Variants in NXN observed in about 807,000 individuals in gnomAD.
NXN encodes the protein nucleoredoxin 1.
Under a neutral mutation model 48.6 loss-of-function variants are expected in NXN, and 16 were observed. The ratio of observed to expected loss-of-function variants is 0.33; its 90% CI spans 0.22 to 0.50. NXN has a LOEUF of 0.50. NXN is among the 20% of genes least tolerant of loss of function. The probability of loss-of-function intolerance (pLI) is 0.98; values close to 1 mark genes in which losing one functional copy is unlikely to be tolerated. For missense variants in NXN, 492 were observed against 605.5 expected, an observed-to-expected ratio of 0.81 and a Z score of 1.97; for synonymous variants, 281 against 269.6, an observed-to-expected ratio of 1.04 and a Z score of -0.41.
chr17:881,275 G>T (rs907361468), intron 1 of NXN, among the ~76,000 whole-genome samples: 2 of 152,188 alleles, frequency 1.3e-5, no homozygotes, highest in African/African-American at 4.8e-5. Flanking sequence ...TTTGAGACAG[G>T]ATCTCACTGT....
intron 1 of NXN, among the ~76,000 whole-genome samples, chr17:931,813 C>T (rs1285937661): frequency 4.5e-5 from 5 of 110,944 alleles, no homozygotes; most frequent in South Asian, 3.1e-4. Context: ...CCAGCCTGGG[C>T]GACAGAGTAA....
intron 1 of NXN, among the ~76,000 whole-genome samples, chr17:876,610 C>T (rs1028655570): frequency 6.6e-6 from 1 of 152,284 alleles, no homozygotes; most frequent in East Asian, 1.9e-4. Flanking sequence ...TCTCACTGGG[C>T]GGGGAGCTCA....
intron 2 of NXN, among the ~76,000 whole-genome samples, chr17:824,568 T>C (rs1912995866): frequency 6.6e-6 from 1 of 152,236 alleles, no homozygotes; most frequent in Non-Finnish European, 1.5e-5. Flanking sequence ...CAGCTCTGAC[T>C]GTACTTGGAA....
At chr17:979,234 A>C (rs1398678650) in intron 1 of NXN, 85 bp downstream of exon 1, 29 of 457,844 alleles carry the variant, frequency 6.3e-5, no homozygotes, top group African/African-American at 1.5e-4. Context: ...GGGTTGGCGG[A>C]GGGCAGGGGT....
At chr17:899,941 G>T (rs753894739) in intron 1 of NXN, among the ~76,000 whole-genome samples, 5 of 152,156 alleles carry the variant, frequency 3.3e-5, no homozygotes, top group Non-Finnish European at 5.9e-5. Context: ...TAAAGTAAAT[G>T]ATATCCTCAA....
At chr17:826,254 A>C (rs1201710831) in intron 1 of NXN, among the ~76,000 whole-genome samples, 176 bp from the exon 2 acceptor site, 2 of 151,932 alleles carry the variant, frequency 1.3e-5, no homozygotes, top group South Asian at 4.2e-4. Flanking sequence ...CTACAATCCC[A>C]CTGCCCCCCG....
Position 799,501 on chromosome 17 carries a change from G to A in NXN, c.*1448C>T, listed in dbSNP as rs543552555. ...GAACAACAGTGTCAACAGCTCATTA[G>A]CGGGTGGGGACCGGATTTTCCAAAT... On this transcript the variant is annotated 3_prime_UTR_variant, in exon 8 of 8. Transcript: ENST00000336868. 2.0e-5 allele frequency: 3 copies of A among 152,428 alleles called. No individual in the cohort carries two copies. Among genetic ancestry groups the A allele is most frequent in the Non-Finnish European group, 4.4e-5 (3 of 68,088 alleles). 9.4% of individuals were successfully genotyped at this position (152,428 alleles called of 1,614,324 possible). A position where few individuals can be genotyped will look rare whatever the true frequency, so the allele number is the denominator to read the frequency against.
intron 1 of NXN, among the ~76,000 whole-genome samples, chr17:931,625 A>G (rs991249551): frequency 1.4e-4 from 20 of 139,544 alleles, no homozygotes; most frequent in Non-Finnish European, 2.5e-4. Context: ...TCGTGAGGTC[A>G]GGAGATCGAG....
chr17:945,428 C>G (rs1250989981), intron 1 of NXN, among the ~76,000 whole-genome samples: 5 of 151,462 alleles, frequency 3.3e-5, no homozygotes, highest in Non-Finnish European at 7.4e-5. Flanking sequence ...TAAGAGTTTC[C>G]CCCATCCTGG....
Position 897,659 on chromosome 17 carries a change from C to T in NXN, c.361-71581G>A, listed in dbSNP as rs114328076. Among the ~76,000 whole-genome samples the T allele has an allele frequency of 3.2e-3, 476 of 151,004 alleles. 3 individuals are homozygous for T. Among genetic ancestry groups the T allele is most frequent in the African/African-American group, 0.011 (457 of 41,518 alleles). ...GTCAACTCTGTGTTAAATGAATTCT[C>T]GGTCCAGCATTTGTTTTTCTTTTAT... On this transcript the variant is annotated intron_variant, in intron 1 of 7. Coordinates refer to ENST00000336868, the MANE Select transcript of NXN (RefSeq NM_022463.5).
intron 1 of NXN, among the ~76,000 whole-genome samples, chr17:879,216 G>A (rs764507422): frequency 3.3e-5 from 5 of 151,884 alleles, no homozygotes; most frequent in East Asian, 1.9e-4. Context: ...AGAACAAAGC[G>A]GAAGAAAAAC....
intron 1 of NXN, among the ~76,000 whole-genome samples, chr17:887,137 G>A (rs186180472): frequency 6.6e-6 from 1 of 151,448 alleles, no homozygotes; most frequent in African/African-American, 2.4e-5. Context: ...GGCTGGTCTC[G>A]AACTCCTGGC....
chr17:833,897 A>G (rs1913637274), intron 1 of NXN, among the ~76,000 whole-genome samples: 1 of 152,152 alleles, frequency 6.6e-6, no homozygotes, highest in Admixed American at 6.5e-5. Context: ...TTAAAAAAGA[A>G]AAAAAAATCT....
At chr17:817,671 GAA>G (rs1230474649) in intron 5 of NXN, among the ~76,000 whole-genome samples, 44 of 107,122 alleles carry the variant, frequency 4.1e-4, no homozygotes, top group South Asian at 1.6e-3. Flanking sequence ...TCCAATTCAG[GAA>G]AAAAAAAAAA....
chr17:978,929 G>T lies in NXN; in HGVS notation c.360+390C>A, dbSNP rs1220638478. Among the ~76,000 whole-genome samples, 1 of 151,216 alleles carries T rather than the reference G, an allele frequency of 6.6e-6. No homozygotes were observed. The highest frequency in any genetic ancestry group is 1.5e-5 in the Non-Finnish European group (1 of 67,692). The stretch of plus-strand genomic sequence containing the variant: ...GGCGCCTCTGCTCGCGGGTGAAGGG[G>T]TCGCGGAACCGGGATCCCCGAGCGC... On this transcript the variant is annotated intron_variant, in intron 1 of 7. Transcript: ENST00000336868. The surrounding 1 kb of genome is among the most constrained non-coding windows in gnomAD (Gnocchi z 4.1).
At chr17:829,911 A>T (rs535898255) in intron 1 of NXN, among the ~76,000 whole-genome samples, 1 of 152,320 alleles carries the variant, frequency 6.6e-6, no homozygotes, top group South Asian at 2.1e-4. Flanking sequence ...TTGCTATCGT[A>T]AACAGTGCTG....
chr17:850,015 T>C (rs2067907037), intron 1 of NXN, among the ~76,000 whole-genome samples: 1 of 152,106 alleles, frequency 6.6e-6, no homozygotes, highest in South Asian at 2.1e-4. Flanking sequence ...TGAAGGACTG[T>C]GTTCGGAGAG....
chr17:807,075 A>T (rs1911593462), intron 5 of NXN, among the ~76,000 whole-genome samples: 1 of 152,180 alleles, frequency 6.6e-6, no homozygotes, highest in Non-Finnish European at 1.5e-5. Context: ...CCACATCCTC[A>T]GGCTGCATTT....
At position 804,272 on chromosome 17, in the gene NXN, G is replaced by A. The variant is rs565915604; in HGVS notation, c.1001-466C>T. Among the ~76,000 whole-genome samples the A allele has an allele frequency of 6.9e-5, 10 of 145,898 alleles. No homozygotes were observed. The East Asian group carries it at 1.2e-3, about 17-fold the overall frequency. ...GGGTGAGGACTGTGGTCTGGTCAGC[G>A]GCTTTTTTTTTTTTTTTTTTTTTTT... On this transcript the variant is annotated intron_variant, in intron 6 of 7. Transcript: ENST00000336868.
Sources: allele counts gnomAD v4.1 joint callset (sites outside exome capture counted in the v4.1 genomes callset), GRCh38; gene constraint gnomAD v4.1.1; non-coding constraint Gnocchi (gnomAD v3.1); transcripts MANE v1.5; gene names NCBI Gene and HGNC (gene_info 2026-07-23, HGNC 2026-07-21).